The following DOK6 variants were observed in gnomAD, a reference collection of about 807,000 sequenced individuals.
DOK6 encodes docking protein 6.
A neutral mutation model predicts 44.0 loss-of-function variants in DOK6; 22 were observed. The ratio of observed to expected loss-of-function variants is 0.50; its 90% CI spans 0.36 to 0.71. DOK6 has a LOEUF of 0.71. Among genes scored for constraint, DOK6 ranks in the 30% least tolerant of loss-of-function variants. The pLI, the probability that DOK6 is intolerant of heterozygous loss-of-function variation, is 0.00. For missense variants in DOK6, 340 were observed against 416.4 expected (o/e 0.82, Z 1.60); for synonymous variants, 166 against 145.5 (o/e 1.14, Z -1.01).
At chr18:69,567,176 T>C (rs1369318362) in intron 2 of DOK6, among the ~76,000 whole-genome samples, 1 of 152,172 alleles carries the variant, frequency 6.6e-6, no homozygotes, top group Non-Finnish European at 1.5e-5. Context: ...ATCAGACATG[T>C]TTACGGAGCC....
chr18:69,696,986 C>G (rs1986402911), intron 4 of DOK6, among the ~76,000 whole-genome samples: 1 of 152,172 alleles, frequency 6.6e-6, no homozygotes, highest in South Asian at 2.1e-4. Flanking sequence ...AATCCATACA[C>G]ATATTAGTTT....
chr18:69,743,939 AG>A (rs1374623202), intron 6 of DOK6, among the ~76,000 whole-genome samples: 1 of 152,194 alleles, frequency 6.6e-6, no homozygotes, highest in South Asian at 2.1e-4. Flanking sequence ...TTGAAACGCC[AG>A]GAAGATATCA....
intron 1 of DOK6, among the ~76,000 whole-genome samples, chr18:69,458,926 T>C (rs1243304089): frequency 8.3e-6 from 1 of 120,324 alleles, no homozygotes; most frequent in Non-Finnish European, 1.7e-5. Context: ...ACCCAGTCTT[T>C]ACTAAAAATA....
intron 1 of DOK6, among the ~76,000 whole-genome samples, chr18:69,500,619 GAATACTTTGCTGAGAGTTC>G (rs1385092301): frequency 6.6e-6 from 1 of 152,104 alleles, no homozygotes; most frequent in African/African-American, 2.4e-5. Flanking sequence ...TTTATTGAGT[GAATACTTTGCTGAGAGTTC>G]AATCATTTAA....
chr18:69,635,174 T>C (rs1036540703), intron 3 of DOK6, among the ~76,000 whole-genome samples: 1 of 152,150 alleles, frequency 6.6e-6, no homozygotes, highest in African/African-American at 2.4e-5. Flanking sequence ...GTGACCCTGA[T>C]GGGTACTTAT....
At chr18:69,764,856 T>C (rs1296907526) in intron 7 of DOK6, among the ~76,000 whole-genome samples, 1 of 152,168 alleles carries the variant, frequency 6.6e-6, no homozygotes, top group East Asian at 1.9e-4. Context: ...GAGTTCTGCT[T>C]TCAGTAACAC....
chr18:69,472,475 G>A (rs1473637849), intron 1 of DOK6, among the ~76,000 whole-genome samples: 1 of 152,182 alleles, frequency 6.6e-6, no homozygotes, highest in Non-Finnish European at 1.5e-5. Flanking sequence ...GATTGCATGT[G>A]CCTTGGAATT....
chr18:69,422,256 C>T (rs1220153775), intron 1 of DOK6, among the ~76,000 whole-genome samples: 1 of 152,184 alleles, frequency 6.6e-6, no homozygotes, highest in African/African-American at 2.4e-5. Flanking sequence ...TATCCTCTTT[C>T]CCAAAGAATT....
chr18:69,786,071 T>A (rs1205794426), intron 7 of DOK6, among the ~76,000 whole-genome samples: 1 of 152,182 alleles, frequency 6.6e-6, no homozygotes, highest in African/African-American at 2.4e-5. Flanking sequence ...TGTATGCGTT[T>A]GATATTTAAA....
chr18:69,410,778 T>C (rs143450922), intron 1 of DOK6, among the ~76,000 whole-genome samples: 23 of 152,320 alleles, frequency 1.5e-4, no homozygotes, highest in African/African-American at 4.6e-4. Context: ...GCTATTTAAA[T>C]TGTACTTAAT....
intron 1 of DOK6, among the ~76,000 whole-genome samples, chr18:69,479,654 A>G (rs887774297): frequency 2.0e-5 from 3 of 152,306 alleles, no homozygotes; most frequent in South Asian, 2.1e-4. Context: ...CCAAGTAATC[A>G]TTAACTTTGG....
intron 7 of DOK6, among the ~76,000 whole-genome samples, chr18:69,836,401 T>C (rs1982054568): frequency 6.6e-6 from 1 of 152,212 alleles, no homozygotes; most frequent in African/African-American, 2.4e-5. Flanking sequence ...CTAGGGCATG[T>C]ATACATACCT....
At chr18:69,509,267 C>T (rs1393208732) in intron 1 of DOK6, among the ~76,000 whole-genome samples, 1 of 152,104 alleles carries the variant, frequency 6.6e-6, no homozygotes, top group Admixed American at 6.5e-5. Flanking sequence ...TTTCTTCAAC[C>T]TCATTTATAT....
chr18:69,401,172 G>C lies in DOK6; in HGVS notation c.-73G>C. ...GCCGGCTGGATGCGAGACCCGCGCAGACCCGGCGGCGGACGGCGGCTCTCG... is the reference window on the plus strand; with the variant it reads ...GCCGGCTGGATGCGAGACCCGCGCACACCCGGCGGCGGACGGCGGCTCTCG... On this transcript the variant is annotated 5_prime_UTR_variant, in exon 1 of 8. Transcript: ENST00000382713. The C allele has an allele frequency of 6.8e-7, 1 of 1,461,690 alleles. No homozygotes were observed. The highest frequency in any genetic ancestry group is 9.1e-7 in the Non-Finnish European group (1 of 1,099,862). The allele number at this position is 1,461,690 out of a possible 1,614,324, so 90.5% of individuals were successfully genotyped here.
intron 2 of DOK6, among the ~76,000 whole-genome samples, chr18:69,582,162 G>A (rs934224458): frequency 6.6e-6 from 1 of 152,194 alleles, no homozygotes; most frequent in South Asian, 2.1e-4. Flanking sequence ...CCTTTGTAAT[G>A]CCTGAAGCAG....
intron 7 of DOK6, among the ~76,000 whole-genome samples, chr18:69,774,309 G>A (rs912951938): frequency 2.6e-5 from 4 of 151,190 alleles, no homozygotes; most frequent in Non-Finnish European, 5.9e-5. Context: ...AAGCTATGAG[G>A]ATGCAAAGGC....
At chr18:69,791,147 TG>T (rs1980584095) in intron 7 of DOK6, among the ~76,000 whole-genome samples, 1 of 152,180 alleles carries the variant, frequency 6.6e-6, no homozygotes, top group African/African-American at 2.4e-5. Flanking sequence ...TTTATCCATT[TG>T]CCTGTTAATG....
intron 7 of DOK6, among the ~76,000 whole-genome samples, chr18:69,778,539 C>T (rs576127509): frequency 6.6e-6 from 1 of 152,224 alleles, no homozygotes; most frequent in South Asian, 2.1e-4. Context: ...GACATGAAAC[C>T]ACTGTAAACT....
chr18:69,772,008 TAAA>T (rs34816663), intron 7 of DOK6, among the ~76,000 whole-genome samples: 5 of 111,694 alleles, frequency 4.5e-5, no homozygotes, highest in African/African-American at 6.2e-5. Context: ...GAGACCTCAG[TAAA>T]AAAAAAAAAA....
Sources: allele counts gnomAD v4.1 joint callset (sites outside exome capture counted in the v4.1 genomes callset), GRCh38; gene constraint gnomAD v4.1.1; transcripts MANE v1.5; gene names NCBI Gene and HGNC (gene_info 2026-07-23, HGNC 2026-07-21).